Variants in MPP4 observed in about 807,000 individuals in gnomAD.
MPP4 encodes MAGUK p55 scaffold protein 4, also known as MAGUK p55 subfamily member 4.
MPP4 carries 91 observed loss-of-function variants against 98.3 expected under a neutral mutation model. The ratio of observed to expected loss-of-function variants is 0.93; its 90% CI spans 0.78 to 1.10. The LOEUF is 1.10. Ranked by LOEUF, MPP4 falls within the 50% of genes least tolerant of loss-of-function variation. MPP4 has a pLI of 0.00. For missense variants in MPP4, 744 were observed against 792.9 expected, an observed-to-expected ratio of 0.94 and a Z score of 0.74; for synonymous variants, 261 against 271.8, an observed-to-expected ratio of 0.96 and a Z score of 0.39.
intron 3 of MPP4, 42 bp downstream of exon 3, chr2:201,692,866 C>A: frequency 1.3e-6 from 2 of 1,594,252 alleles, no homozygotes; most frequent in Non-Finnish European, 1.7e-6. Flanking sequence ...CTCCCCACAA[C>A]CCCTTCAGCA....
intron 16 of MPP4, among the ~76,000 whole-genome samples, chr2:201,657,386 T>C (rs1687874125): frequency 2.6e-5 from 4 of 152,162 alleles, no homozygotes; most frequent in African/African-American, 9.7e-5. Flanking sequence ...TGTTTCCAGG[T>C]GCTCTCAGTA....
chr2:201,647,543 T>C (rs1202814063), intron 21 of MPP4, 148 bp downstream of exon 21: 7 of 689,860 alleles, frequency 1.0e-5, no homozygotes, highest in Non-Finnish European at 1.6e-5. Context: ...AAAACCATAG[T>C]AAACCATTTT....
At chr2:201,647,644 C>T (rs1020976280) in intron 21 of MPP4, 47 bp downstream of exon 21, 16 of 1,592,868 alleles carry the variant, frequency 1.0e-5, no homozygotes, top group East Asian at 4.5e-5. Flanking sequence ...ATCTCTCCCA[C>T]GCAGAAGCCA....
Position 201,680,878 on chromosome 2 carries a change from T to C in MPP4, c.889A>G (p.Thr297Ala), listed in dbSNP as rs756187447. Reference sequence around the variant, plus strand: ...TTAGAAGGGACAAGCCCAGCGCAGGTAGCAGGGTCTGAGATTTTTCGGGCC... The same window carrying C: ...TTAGAAGGGACAAGCCCAGCGCAGGCAGCAGGGTCTGAGATTTTTCGGGCC... Reference protein sequence around the residue: ...WQARKISDPATCAGLVPSNHL... With the variant: ...WQARKISDPAACAGLVPSNHL... Residue 297 changes from threonine to alanine, a missense_variant, in exon 10 of 22, where the codon ACC becomes GCC. Transcript: ENST00000409474. 9.9e-6 allele frequency: 16 copies of C among 1,613,372 alleles called. 1 individual carries two copies.
At chr2:201,687,597 T>C (rs944605752) in intron 4 of MPP4, among the ~76,000 whole-genome samples, 1 of 152,226 alleles carries the variant, frequency 6.6e-6, no homozygotes, top group African/African-American at 2.4e-5. Context: ...AGAGTTGAGA[T>C]GGATCTAAAC....
intron 5 of MPP4, among the ~76,000 whole-genome samples, chr2:201,687,056 C>G (rs765242205): frequency 1.3e-5 from 2 of 152,160 alleles, no homozygotes; most frequent in Non-Finnish European, 2.9e-5. Flanking sequence ...AACAAAGCAC[C>G]ATGGAAAGTT....
chr2:201,657,591 T>C (rs1355826722), intron 16 of MPP4, among the ~76,000 whole-genome samples: 3 of 106,074 alleles, frequency 2.8e-5, no homozygotes, highest in Non-Finnish European at 5.7e-5. Flanking sequence ...CTGGCCCTTG[T>C]TTTTTTTTTG....
At position 201,675,242 on chromosome 2, in the gene MPP4, G is replaced by A. The variant is rs377589827; in HGVS notation, c.959C>T (p.Pro320Leu). ...RKQREFWWSQ[P>L]YQPHTCLKST... ...CTTGAGGCAGGTGTGAGGCTGGTAC[G>A]GCTGAGACCACCAGAATTCCCGTTG... The change falls in exon 11 of 22, where the codon CCG becomes CTG. Residue 320 changes from proline to leucine, a missense_variant. Transcript: ENST00000409474. The A allele has an allele frequency of 8.1e-6, 13 of 1,609,398 alleles. No homozygotes were observed. The highest frequency in any genetic ancestry group is 6.7e-5 in the South Asian group (6 of 89,596).
At chr2:201,689,408 G>C (rs1333894077) in intron 4 of MPP4, among the ~76,000 whole-genome samples, 1 of 152,138 alleles carries the variant, frequency 6.6e-6, no homozygotes, top group Non-Finnish European at 1.5e-5. Flanking sequence ...GTGTTAGTGA[G>C]GAAGTGACAT....
At position 201,675,286 on chromosome 2, in the gene MPP4, A is replaced by G. The variant is rs556277943; in HGVS notation, c.930-15T>C. 6.2e-7 allele frequency: 1 copy of G among 1,602,440 alleles called. No individual in the cohort carries two copies. The highest frequency in any genetic ancestry group is 8.5e-7 in the Non-Finnish European group (1 of 1,174,650). On this transcript the variant is annotated splice_polypyrimidine_tract_variant and intron_variant, in intron 10 of 21. Coordinates refer to ENST00000409474, the MANE Select transcript of MPP4 (RefSeq NM_033066.3). ...CCCGTTGCTTCCTATGGGGGGGAAAAAACCATGCGACAAAAAACAAACAAA... is the reference window on the plus strand; with the variant it reads ...CCCGTTGCTTCCTATGGGGGGGAAAGAACCATGCGACAAAAAACAAACAAA...
At chr2:201,671,055 C>G (rs568634836) in intron 11 of MPP4, among the ~76,000 whole-genome samples, 1 of 152,206 alleles carries the variant, frequency 6.6e-6, no homozygotes, top group African/African-American at 2.4e-5. Flanking sequence ...CCATGTTCTT[C>G]GCAACCCACA....
chr2:201,675,544 A>G (rs1199120497), intron 10 of MPP4, among the ~76,000 whole-genome samples: 1 of 152,248 alleles, frequency 6.6e-6, no homozygotes. Flanking sequence ...AAGTTTGCAC[A>G]TGGAGTTTCA....
At chr2:201,660,638 T>C (rs922139710) in intron 14 of MPP4, among the ~76,000 whole-genome samples, 1 of 152,082 alleles carries the variant, frequency 6.6e-6, no homozygotes, top group African/African-American at 2.4e-5. Flanking sequence ...TGGCACAAAA[T>C]AGGGCTTCAA....
At chr2:201,693,092 A>C in intron 2 of MPP4, 63 bp from the exon 3 acceptor site, 1 of 1,561,320 alleles carries the variant, frequency 6.4e-7, no homozygotes, top group East Asian at 2.3e-5. Flanking sequence ...AAGGCAACTC[A>C]GATAGCTGGG....
chr2:201,666,483 G>A lies in MPP4; in HGVS notation c.1013-111C>T, dbSNP rs1323198003. The stretch of plus-strand genomic sequence containing the variant: ...TGCCTGTGATCCCAGCACTCTGGGA[G>A]GCCGAGGCGGGCGGATCACCTGAGA... On this transcript the variant is annotated intron_variant, in intron 12 of 21. Coordinates refer to ENST00000409474, the MANE Select transcript of MPP4 (RefSeq NM_033066.3). 3 of 745,208 alleles carry A rather than the reference G, an allele frequency of 4.0e-6. No homozygotes were observed. In the East Asian group the frequency reaches 9.5e-5, roughly 24 times the overall value. The allele number at this position is 745,208 out of a possible 1,614,324, so 46.2% of individuals were successfully genotyped here. A position where few individuals can be genotyped will look rare whatever the true frequency, so the allele number is the denominator to read the frequency against.
intron 18 of MPP4, among the ~76,000 whole-genome samples, chr2:201,654,536 G>A (rs973530265): frequency 3.3e-5 from 5 of 151,918 alleles, no homozygotes; most frequent in African/African-American, 9.7e-5. Context: ...CGAGTTAATC[G>A]GTGCAGCACA....
At chr2:201,658,672 G>C in intron 15 of MPP4, 154 bp from the exon 16 acceptor site, 2 of 628,914 alleles carry the variant, frequency 3.2e-6, no homozygotes, top group South Asian at 4.3e-5. Flanking sequence ...AATGTTCTAA[G>C]CATTTTTCAT....
intron 1 of MPP4, among the ~76,000 whole-genome samples, chr2:201,694,546 C>G (rs950319794): frequency 6.8e-6 from 1 of 147,368 alleles, no homozygotes; most frequent in Non-Finnish European, 1.5e-5. Flanking sequence ...TGTTTTGTTT[C>G]TAGAGTGCTT....
intron 10 of MPP4, among the ~76,000 whole-genome samples, chr2:201,678,245 C>T (rs1308815957): frequency 2.6e-5 from 4 of 152,054 alleles, no homozygotes; most frequent in Admixed American, 2.6e-4. Context: ...ACTTTCTGAC[C>T]TGAAACCATG....
Sources: gnomAD v4.1 joint callset for allele counts (sites outside exome capture counted in the v4.1 genomes callset) on GRCh38, gnomAD v4.1.1 for gene constraint, MANE v1.5 for transcripts, NCBI Gene and HGNC (gene_info 2026-07-23, HGNC 2026-07-21) for gene names.